Variants in CTNND2 observed in about 807,000 individuals in gnomAD.
CTNND2 encodes catenin delta 2.
A neutral mutation model predicts 144.4 loss-of-function variants in CTNND2; 22 were observed. That is an observed-to-expected ratio of 0.15 (90% confidence interval 0.11 to 0.22). The LOEUF (loss-of-function observed/expected upper bound fraction) is 0.22. CTNND2 is among the 10% of genes least tolerant of loss of function. The probability of loss-of-function intolerance (pLI) is 1.00; values close to 1 mark genes in which losing one functional copy is unlikely to be tolerated. For missense variants in CTNND2, 1,353 were observed against 1,618.8 expected, an observed-to-expected ratio of 0.84 and a Z score of 2.82; for synonymous variants, 751 against 695.6, an observed-to-expected ratio of 1.08 and a Z score of -1.25.
chr5:11,539,562 T>G (rs892054795), intron 3 of CTNND2, among the ~76,000 whole-genome samples: 1 of 152,238 alleles, frequency 6.6e-6, no homozygotes, highest in Non-Finnish European at 1.5e-5. Flanking sequence ...ATGTACCAGA[T>G]GAGCAAGTCA....
intron 9 of CTNND2, among the ~76,000 whole-genome samples, chr5:11,315,339 T>C (rs1751376437): frequency 1.3e-5 from 2 of 152,140 alleles, no homozygotes; most frequent in South Asian, 2.1e-4. Flanking sequence ...CAAATTCTTT[T>C]ATACTCCACA....
At chr5:11,764,219 A>G (rs1394016767) in intron 1 of CTNND2, among the ~76,000 whole-genome samples, 1 of 152,192 alleles carries the variant, frequency 6.6e-6, no homozygotes, top group Non-Finnish European at 1.5e-5. Flanking sequence ...TAGAAGTCAG[A>G]GAAGGCAGGG....
intron 2 of CTNND2, among the ~76,000 whole-genome samples, chr5:11,641,923 A>T (rs1048124714): frequency 1.3e-5 from 2 of 152,090 alleles, no homozygotes; most frequent in East Asian, 1.9e-4. Flanking sequence ...AACAATTTAC[A>T]TGTTTAAAAT....
intron 18 of CTNND2, among the ~76,000 whole-genome samples, chr5:11,008,921 G>C (rs1382283604): frequency 6.6e-6 from 1 of 152,114 alleles, no homozygotes; most frequent in Non-Finnish European, 1.5e-5. Context: ...GCATTAGCGG[G>C]GCAATACAGA....
chr5:11,147,366 G>A (rs1561382646), intron 12 of CTNND2, among the ~76,000 whole-genome samples: 1 of 152,272 alleles, frequency 6.6e-6, no homozygotes, highest in Admixed American at 6.5e-5. Context: ...TACAAAGGTG[G>A]AAAGTCCTCC....
chr5:11,498,951 A>G (rs778024314), intron 3 of CTNND2, among the ~76,000 whole-genome samples: 3 of 152,158 alleles, frequency 2.0e-5, no homozygotes, highest in Admixed American at 2.0e-4. Context: ...GCTTTTGAAC[A>G]TTCTCATCTC....
chr5:11,532,601 C>A (rs527898368), intron 3 of CTNND2, among the ~76,000 whole-genome samples: 7 of 152,212 alleles, frequency 4.6e-5, no homozygotes, highest in Middle Eastern at 3.4e-3. Context: ...ATGAATAAAT[C>A]GGGCAACTCA....
intron 18 of CTNND2, among the ~76,000 whole-genome samples, chr5:11,015,795 T>C (rs1741541703): frequency 6.6e-6 from 1 of 152,244 alleles, no homozygotes; most frequent in Admixed American, 6.5e-5. Context: ...GGCCAGTTCC[T>C]TTCTAATTTA....
At chr5:11,472,683 A>G (rs887464271) in intron 3 of CTNND2, among the ~76,000 whole-genome samples, 1 of 152,210 alleles carries the variant, frequency 6.6e-6, no homozygotes, top group African/African-American at 2.4e-5. Flanking sequence ...TAGAACTTAT[A>G]TGATTAAACT....
chr5:11,767,869 G>T (rs10866485), intron 1 of CTNND2, among the ~76,000 whole-genome samples: 145,015 of 152,194 alleles, frequency 0.95, 69,472 homozygotes, highest in East Asian at 1. Context: ...GATAATATCT[G>T]TCAAATTATG....
At chr5:11,791,086 C>T (rs1254888870) in intron 1 of CTNND2, among the ~76,000 whole-genome samples, 1 of 152,112 alleles carries the variant, frequency 6.6e-6, no homozygotes, top group Admixed American at 6.5e-5. Context: ...AGTGGAGCAA[C>T]ATATCTACAA....
At chr5:11,396,798 GAAC>G (rs1282293769) in intron 6 of CTNND2, among the ~76,000 whole-genome samples, 2 of 152,140 alleles carry the variant, frequency 1.3e-5, no homozygotes, top group African/African-American at 2.4e-5. Context: ...GGTATAGCGT[GAAC>G]AATACATAGA....
chr5:11,125,306 C>T lies in CTNND2; in HGVS notation c.2160-7739G>A, dbSNP rs1010990828. Among the ~76,000 whole-genome samples the T allele has an allele frequency of 1.1e-4, 16 of 152,294 alleles. 1 individual carries two copies. The South Asian group carries it at 2.1e-3, about 20-fold the overall frequency. On this transcript the variant is annotated intron_variant, in intron 12 of 21. Coordinates refer to ENST00000304623, the MANE Select transcript of CTNND2 (RefSeq NM_001332.4). The stretch of plus-strand genomic sequence containing the variant: ...TCTGTCCATCCCCTTCATTCTTCCA[C>T]GAGGGCTCATCCCTTTGATTTGTAG...
rs189012131 is a variant in CTNND2, at chr5:11,010,719, G to T, written c.3084+7255C>A. Among the ~76,000 whole-genome samples the T allele has an allele frequency of 2.4e-4, 37 of 152,292 alleles. No individual in the cohort carries two copies. The East Asian group carries it at 6.8e-3, about 28-fold the overall frequency. ...TAATTACTTATTGATTTCTTGTTTT[G>T]TGAGTGCAATGGCCGCAAGAGCCAA... is the stretch of plus-strand genomic sequence containing the variant. On this transcript the variant is annotated intron_variant, in intron 18 of 21. Transcript: ENST00000304623.
At chr5:11,141,450 C>T (rs1182198581) in intron 12 of CTNND2, among the ~76,000 whole-genome samples, 1 of 152,036 alleles carries the variant, frequency 6.6e-6, no homozygotes, top group African/African-American at 2.4e-5. Flanking sequence ...GGAGCCAAAG[C>T]TAAAAGTTAG....
At chr5:11,395,795 A>G (rs2149814332) in intron 6 of CTNND2, among the ~76,000 whole-genome samples, 1 of 152,230 alleles carries the variant, frequency 6.6e-6, no homozygotes, top group South Asian at 2.1e-4. Context: ...TTAGTAGTGG[A>G]AATCCAAAAA....
At position 11,848,054 on chromosome 5, in the gene CTNND2, A is replaced by T. The variant is rs183429279; in HGVS notation, c.37+55763T>A. 6.6e-5 allele frequency among the ~76,000 whole-genome samples: 10 copies of T among 152,188 alleles called. No homozygotes were observed. In the East Asian group the frequency reaches 1.9e-3, roughly 29 times the overall value. On this transcript the variant is annotated intron_variant, in intron 1 of 21. Coordinates refer to ENST00000304623, the MANE Select transcript of CTNND2 (RefSeq NM_001332.4). ...GAGAATCCTAAATTCCTATAGTAAC[A>T]ATTTTCTATACTTCTACACATAATT...
intron 14 of CTNND2, 95 bp downstream of exon 14, chr5:11,110,763 G>A: frequency 8.3e-7 from 1 of 1,209,706 alleles, no homozygotes; most frequent in Non-Finnish European, 1.1e-6. Context: ...ACCTCCTGAT[G>A]AAAATGCAGG....
chr5:11,839,225 C>T (rs1277164762), intron 1 of CTNND2, among the ~76,000 whole-genome samples: 4 of 151,848 alleles, frequency 2.6e-5, no homozygotes, highest in African/African-American at 7.3e-5. Flanking sequence ...GATCTAGTAT[C>T]TAATTACCCA....
Sources: gnomAD v4.1 joint callset for allele counts (sites outside exome capture counted in the v4.1 genomes callset) on GRCh38, gnomAD v4.1.1 for gene constraint, MANE v1.5 for transcripts, NCBI Gene and HGNC (gene_info 2026-07-23, HGNC 2026-07-21) for gene names.